The following TTC6 variants were observed in gnomAD, a reference collection of about 807,000 sequenced individuals.
TTC6 encodes the protein tetratricopeptide repeat protein 6.
Under a neutral mutation model 210.4 loss-of-function variants are expected in TTC6, and 172 were observed. That is an observed-to-expected ratio of 0.82 (90% CI 0.72 to 0.93). The LOEUF (loss-of-function observed/expected upper bound fraction) is 0.93. TTC6 is among the 40% of genes least tolerant of loss of function. TTC6 has a pLI of 0.00. For missense variants in TTC6, 2,414 were observed against 2,318.1 expected (o/e 1.04, Z -0.85); for synonymous variants, 804 against 819.6 (o/e 0.98, Z 0.32).
chr14:37,687,798 A>G (rs2095796768), intron 3 of TTC6, among the ~76,000 whole-genome samples: 1 of 152,064 alleles, frequency 6.6e-6, no homozygotes, highest in Non-Finnish European at 1.5e-5. Context: ...ATAACTAGAA[A>G]GGATACCAGT....
intron 1 of TTC6, among the ~76,000 whole-genome samples, chr14:37,600,263 C>T (rs1215246603): frequency 1.3e-5 from 2 of 152,150 alleles, no homozygotes; most frequent in African/African-American, 2.4e-5. Context: ...TGTGCAAGAG[C>T]TGGGAGGCTG....
intron 7 of TTC6, among the ~76,000 whole-genome samples, chr14:37,734,784 GA>G (rs972501661): frequency 2.0e-5 from 3 of 151,994 alleles, no homozygotes; most frequent in Non-Finnish European, 4.4e-5. Flanking sequence ...GCATTATTTT[GA>G]CAGTTTCCAA....
At chr14:37,808,021 A>G (rs1191378163) in intron 23 of TTC6, among the ~76,000 whole-genome samples, 1 of 152,068 alleles carries the variant, frequency 6.6e-6, no homozygotes, top group Non-Finnish European at 1.5e-5. Context: ...TAATATAGTT[A>G]TATACAACTG....
intron 1 of TTC6, among the ~76,000 whole-genome samples, chr14:37,678,044 A>G (rs1217838979): frequency 2.0e-5 from 3 of 152,056 alleles, no homozygotes; most frequent in Admixed American, 6.6e-5. Context: ...TGTATCATAT[A>G]TTTGTGCTTC....
In TTC6 at chr14:37,606,176, C is replaced by G. The variant is rs147741663; in HGVS notation, c.-234-487C>G. 1.6e-4 allele frequency among the ~76,000 whole-genome samples: 25 copies of G among 152,198 alleles called. No individual in the cohort carries two copies. In the East Asian group the frequency reaches 4.8e-3, roughly 29 times the overall value. ...GAGGTAATCAATGCCAGGGAGAACC[C>G]TAAGGCAATGGAAGGTGTCTCAATG... On this transcript the variant is annotated intron_variant, in intron 1 of 2. Coordinates refer to the TTC6 transcript ENST00000556845.
intron 3 of TTC6, among the ~76,000 whole-genome samples, chr14:37,692,047 A>T (rs1469603688): frequency 4.0e-5 from 6 of 151,816 alleles, no homozygotes; most frequent in African/African-American, 1.5e-4. Flanking sequence ...AAAGTCTCCC[A>T]GTAAAGAAAA....
intron 29 of TTC6, among the ~76,000 whole-genome samples, chr14:37,834,153 A>G (rs937436707): frequency 1.3e-5 from 2 of 152,172 alleles, no homozygotes; most frequent in African/African-American, 2.4e-5. Flanking sequence ...TTTGATGATA[A>G]TGTGCCTTGG....
exon 7 of TTC6, chr14:37,724,958 G>A (rs1399079618): frequency 1.3e-6 from 2 of 1,528,282 alleles, no homozygotes; most frequent in Middle Eastern, 1.7e-4. Context: ...TAAATTCTCT[G>A]TTCCAGAATC....
chr14:37,603,421 G>A (rs754222741), intron 1 of TTC6, among the ~76,000 whole-genome samples: 1 of 152,234 alleles, frequency 6.6e-6, no homozygotes, highest in African/African-American at 2.4e-5. Context: ...CGCTATGGTG[G>A]TTGTGGTGGT....
At position 37,792,418 on chromosome 14, in the gene TTC6, T is replaced by C. The variant is rs1416859009; in HGVS notation, c.3708+4T>C. 1 of 1,482,020 alleles carries C rather than the reference T, an allele frequency of 6.7e-7. No homozygotes were observed. Among genetic ancestry groups the C allele is most frequent in the Non-Finnish European group, 8.9e-7 (1 of 1,125,404 alleles). 91.8% of individuals were successfully genotyped at this position (1,482,020 alleles called of 1,614,324 possible). A position where few individuals can be genotyped will look rare whatever the true frequency, so the allele number is the denominator to read the frequency against. ...TCGGGCGGAAACCTATTTTAAGGTA[T>C]TTAAGGCTCGAGAACCTTGATTTTT... On this transcript the variant is annotated splice_donor_region_variant and intron_variant, in intron 17 of 30. Transcript: ENST00000553443.
At chr14:37,701,741 A>G (rs546229404) in intron 5 of TTC6, among the ~76,000 whole-genome samples, 41 of 152,248 alleles carry the variant, frequency 2.7e-4, no homozygotes, top group Non-Finnish European at 5.0e-4. Context: ...TCCCAATTGT[A>G]AGGTAACTTT....
intron 25 of TTC6, among the ~76,000 whole-genome samples, chr14:37,814,924 ATTAG>A (rs1453411376): frequency 1.3e-5 from 2 of 152,164 alleles, no homozygotes; most frequent in African/African-American, 2.4e-5. Context: ...TGCTGAAAAC[ATTAG>A]TTAGTTGAGA....
intron 30 of TTC6, 71 bp from the exon 33 acceptor site, chr14:37,842,084 T>A (rs1444452029): frequency 1.2e-5 from 16 of 1,351,444 alleles, no homozygotes; most frequent in Admixed American, 5.7e-5. Context: ...TTATCCAATT[T>A]TTTTTTGTAA....
At chr14:37,765,119 C>A (rs2095994910) in intron 14 of TTC6, among the ~76,000 whole-genome samples, 1 of 151,660 alleles carries the variant, frequency 6.6e-6, no homozygotes, top group African/African-American at 2.4e-5. Context: ...AAGTTTGTCC[C>A]CAACTTGATG....
At chr14:37,669,424 T>C (rs2095754291) in intron 1 of TTC6, among the ~76,000 whole-genome samples, 1 of 152,218 alleles carries the variant, frequency 6.6e-6, no homozygotes, top group Non-Finnish European at 1.5e-5. Flanking sequence ...CTTGCAGTTC[T>C]CTTTGTATCC....
chr14:37,798,055 A>T (rs1462862832), intron 20 of TTC6, among the ~76,000 whole-genome samples: 4 of 152,050 alleles, frequency 2.6e-5, no homozygotes, highest in Admixed American at 2.6e-4. Flanking sequence ...AATTGCTATA[A>T]CCTCATTGAA....
intron 14 of TTC6, among the ~76,000 whole-genome samples, chr14:37,754,275 C>T (rs1365962451): frequency 6.6e-6 from 1 of 151,926 alleles, no homozygotes; most frequent in African/African-American, 2.4e-5. Flanking sequence ...GTGTGATGTT[C>T]CCCTCCCTGT....
intron 4 of TTC6, among the ~76,000 whole-genome samples, chr14:37,700,890 C>T (rs2095823983): frequency 9.2e-5 from 14 of 151,572 alleles, no homozygotes; most frequent in Admixed American, 9.2e-4. Flanking sequence ...TCTATCAATG[C>T]TAGTTAATGG....
intron 14 of TTC6, among the ~76,000 whole-genome samples, chr14:37,769,807 T>C (rs1431470107): frequency 6.6e-6 from 1 of 152,132 alleles, no homozygotes; most frequent in Non-Finnish European, 1.5e-5. Context: ...TTTCCTTCAG[T>C]TCTGCTCTGA....
Sources: allele counts gnomAD v4.1 joint callset (sites outside exome capture counted in the v4.1 genomes callset), GRCh38; gene constraint gnomAD v4.1.1; transcripts MANE v1.5; gene names NCBI Gene and HGNC (gene_info 2026-07-23, HGNC 2026-07-21).